Variants in PIP5K1C observed in about 807,000 individuals in gnomAD.
PIP5K1C encodes phosphatidylinositol 4-phosphate 5-kinase type-1 gamma.
Under a neutral mutation model 80.1 loss-of-function variants are expected in PIP5K1C, and 45 were observed. That is an observed-to-expected ratio of 0.56 (90% CI 0.44 to 0.72). The LOEUF (loss-of-function observed/expected upper bound fraction) is 0.72, where lower values mean the gene tolerates loss of function less well. PIP5K1C is among the 30% of genes least tolerant of loss of function. PIP5K1C has a pLI of 0.00. For synonymous variants in PIP5K1C, 498 were observed against 420.1 expected, an observed-to-expected ratio of 1.19 and a Z score of -2.27; for missense variants, 753 against 954.6, an observed-to-expected ratio of 0.79 and a Z score of 2.78.
In PIP5K1C at chr19:3,653,603, A is replaced by G. The variant is rs1210800004; in HGVS notation, c.622-14T>C. 3 of 1,601,934 alleles carry G rather than the reference A, an allele frequency of 1.9e-6. No homozygotes were observed. Among genetic ancestry groups the G allele is most frequent in the Non-Finnish European group, 2.6e-6 (3 of 1,171,888 alleles). On this transcript the variant is annotated splice_polypyrimidine_tract_variant and intron_variant, in intron 6 of 17. Transcript: ENST00000335312. ...CTGGTTGAGGTTCTGCCGGGGGAAG[A>G]GGGCAAGTCGTGGAGGGCGGCTGGG...
chr19:3,666,504 GACGTGCACACAGGCAA>G (rs2035013146), intron 2 of PIP5K1C, among the ~76,000 whole-genome samples: 1 of 152,042 alleles, frequency 6.6e-6, no homozygotes, highest in South Asian at 2.1e-4. Context: ...CACACGTGCA[GACGTGCACACAGGCAA>G]ACGTGTACAT....
chr19:3,647,227 G>A (rs2034266441), intron 10 of PIP5K1C, 111 bp downstream of exon 10: 2 of 931,820 alleles, frequency 2.1e-6, no homozygotes, highest in African/African-American at 1.7e-5. Context: ...GAGGAGGGAT[G>A]GGAGGAGGGT....
chr19:3,637,047 A>G lies in PIP5K1C; in HGVS notation c.1920+1837T>C. The G allele has an allele frequency of 8.8e-7, 1 of 1,142,026 alleles. No individual in the cohort carries two copies. Among genetic ancestry groups the G allele is most frequent in the South Asian group, 2.2e-5 (1 of 45,012 alleles). The allele number at this position is 1,142,026 out of a possible 1,614,324, so 70.7% of individuals were successfully genotyped here. A position where few individuals can be genotyped will look rare whatever the true frequency, so the allele number is the denominator to read the frequency against. On this transcript the variant is annotated intron_variant, in intron 16 of 17. Coordinates refer to ENST00000335312, the MANE Select transcript of PIP5K1C (RefSeq NM_012398.3). The surrounding 1 kb of genome is among the most constrained non-coding windows in gnomAD (Gnocchi z 7.0). Reference sequence around the variant, plus strand: ...GCCTCCATCTGTGAGGTGGGTGTGGAGAGACCATCTCCTCCCCGTCTCCAT... The same window carrying G: ...GCCTCCATCTGTGAGGTGGGTGTGGGGAGACCATCTCCTCCCCGTCTCCAT...
chr19:3,675,042 A>G lies in PIP5K1C; in HGVS notation c.95-7689T>C, dbSNP rs560189181. Reference sequence around the variant, plus strand: ...CCCATTTCTATGAAATGTCCAGGACAGGCTGATCCAGAGAGACAGGGAGGG... The same window carrying G: ...CCCATTTCTATGAAATGTCCAGGACGGGCTGATCCAGAGAGACAGGGAGGG... On this transcript the variant is annotated intron_variant, in intron 1 of 17. Transcript: ENST00000335312. Among the ~76,000 whole-genome samples, 9 of 152,274 alleles carry G rather than the reference A, an allele frequency of 5.9e-5. 1 individual carries two copies. Among genetic ancestry groups the G allele is most frequent in the Admixed American group, 5.9e-4 (9 of 15,290 alleles).
chr19:3,635,402 G>C (rs546659729), intron 16 of PIP5K1C, among the ~76,000 whole-genome samples: 1 of 152,128 alleles, frequency 6.6e-6, no homozygotes, highest in African/African-American at 2.4e-5. Context: ...CAAAGATTAA[G>C]GCCGGGCGTG....
intron 14 of PIP5K1C, among the ~76,000 whole-genome samples, chr19:3,642,328 C>A (rs1440254511): frequency 6.6e-6 from 1 of 152,216 alleles, no homozygotes; most frequent in Non-Finnish European, 1.5e-5. Flanking sequence ...AGGGACCTCG[C>A]AAATGTCCCC....
At position 3,657,919 on chromosome 19, in the gene PIP5K1C, A is replaced by AGC. The variant is rs200516509; in HGVS notation, c.469-1364_469-1363dup. On this transcript the variant is annotated intron_variant, in intron 5 of 17. Coordinates refer to ENST00000335312, the MANE Select transcript of PIP5K1C (RefSeq NM_012398.3). ...CACTGCCCTCCAACCTGGGCAACAG[A>AGC]GCAAGAGTGTTTAAAAAAACACCCC... 6.9e-3 allele frequency among the ~76,000 whole-genome samples: 1,048 copies of AGC among 152,252 alleles called. 19 individuals carry two copies. Among genetic ancestry groups the AGC allele is most frequent in the African/African-American group, 0.025 (1,019 of 41,550 alleles).
chr19:3,638,950 G>T lies in PIP5K1C; in HGVS notation c.1854C>A (p.Asp618Glu). The T allele has an allele frequency of 6.2e-7, 1 of 1,612,366 alleles. No homozygotes were observed. The highest frequency in any genetic ancestry group is 2.2e-5 in the East Asian group (1 of 44,864). ...VEVETASQAS[D>E]EEGAPASQAS... ...CCTGGCTGGCAGGTGCGCCCTCCTC[G>T]TCTGAGGCCTGGCTGGCAGTTTCTA... is the stretch of plus-strand genomic sequence containing the variant. Residue 618 changes from aspartate to glutamate, a missense_variant, in exon 16 of 18, where the codon GAC (aspartate) becomes GAA (glutamate). Asp to Glu is a conservative substitution (Grantham distance 45). This residue lies in a region of PIP5K1C where 315 missense variants were observed against 294.5 expected (regional missense o/e 1.07). Coordinates refer to ENST00000335312, the MANE Select transcript of PIP5K1C (RefSeq NM_012398.3).
chr19:3,692,046 T>A lies in PIP5K1C; in HGVS notation c.94+8251A>T, dbSNP rs891837832. On this transcript the variant is annotated intron_variant, in intron 1 of 17. Coordinates refer to ENST00000335312, the MANE Select transcript of PIP5K1C (RefSeq NM_012398.3). The surrounding 1 kb of genome is among the most constrained non-coding windows in gnomAD (Gnocchi z 5.2). ...CAGTCCAAGCACCGCACGGGAAGGGTGCACAGTGGGAGCTGCCCGCTCACG... is the reference window on the plus strand; with the variant it reads ...CAGTCCAAGCACCGCACGGGAAGGGAGCACAGTGGGAGCTGCCCGCTCACG... 2.0e-5 allele frequency among the ~76,000 whole-genome samples: 3 copies of A among 152,088 alleles called. No homozygotes were observed. Among genetic ancestry groups the A allele is most frequent in the Non-Finnish European group, 4.4e-5 (3 of 67,986 alleles).
In PIP5K1C at chr19:3,648,583, C is replaced by G; in HGVS notation, c.1211+42G>C. The G allele has an allele frequency of 1.3e-6, 2 of 1,559,200 alleles. No individual in the cohort carries two copies. The highest frequency in any genetic ancestry group is 1.8e-6 in the Non-Finnish European group (2 of 1,133,826). ...GGGCGCCCACCTGTGGGACTGCAGACCCGGGGCGTCCACCTGTAGGACTGC... is the reference window on the plus strand; with the variant it reads ...GGGCGCCCACCTGTGGGACTGCAGAGCCGGGGCGTCCACCTGTAGGACTGC... On this transcript the variant is annotated intron_variant, in intron 9 of 17. Transcript: ENST00000335312. This position sits in a 1 kb window ranked among gnomAD's most constrained non-coding sequence, Gnocchi z 4.3.
rs189378257 is a variant in PIP5K1C at position 3,677,710 on chromosome 19, G to C, written c.95-10357C>G. Reference sequence around the variant, plus strand: ...AAGCTGAGAGGGATGGCGGAATGGAGGGATGGTGGGATGGAGGGATGGAAG... The same window carrying C: ...AAGCTGAGAGGGATGGCGGAATGGACGGATGGTGGGATGGAGGGATGGAAG... On this transcript the variant is annotated intron_variant, in intron 1 of 17. Transcript: ENST00000335312. Among the ~76,000 whole-genome samples the C allele has an allele frequency of 1.4e-3, 198 of 137,936 alleles. 2 individuals are homozygous for C. The highest frequency in any genetic ancestry group is 5.3e-3 in the African/African-American group (183 of 34,724). The allele number at this position is 137,936 out of a possible 152,430, so 90.5% of individuals were successfully genotyped here. A position where few individuals can be genotyped will look rare whatever the true frequency, so the allele number is the denominator to read the frequency against.
intron 14 of PIP5K1C, 57 bp from the exon 15 acceptor site, chr19:3,641,866 C>A (rs2033976941): frequency 1.5e-6 from 2 of 1,361,552 alleles, no homozygotes; most frequent in Non-Finnish European, 1.0e-6. Context: ...CCATCCTACC[C>A]CCAGGAGTGC....
At chr19:3,652,140 G>A in intron 7 of PIP5K1C, 109 bp from the exon 8 acceptor site, 2 of 959,776 alleles carry the variant, frequency 2.1e-6, no homozygotes, top group South Asian at 1.4e-5. Flanking sequence ...GGGCTCGGGT[G>A]TGAGAGATGG....
chr19:3,695,578 G>A (rs1381221459), intron 1 of PIP5K1C, among the ~76,000 whole-genome samples: 2 of 152,208 alleles, frequency 1.3e-5, no homozygotes, highest in African/African-American at 4.8e-5. Context: ...TCTCCACTGG[G>A]ACACCCAGGC....
At chr19:3,683,213 T>C (rs1175576602) in intron 1 of PIP5K1C, among the ~76,000 whole-genome samples, 1 of 152,194 alleles carries the variant, frequency 6.6e-6, no homozygotes, top group African/African-American at 2.4e-5. Context: ...GGGCAGCGAC[T>C]TCATCTTTCC....
chr19:3,690,216 G>A (rs978698006), intron 1 of PIP5K1C, among the ~76,000 whole-genome samples: 1 of 151,982 alleles, frequency 6.6e-6, no homozygotes, highest in African/African-American at 2.4e-5. Flanking sequence ...CCAGAAATAG[G>A]CTGGGCGCAC....
At chr19:3,697,024 C>T (rs553153726) in intron 1 of PIP5K1C, among the ~76,000 whole-genome samples, 1 of 151,526 alleles carries the variant, frequency 6.6e-6, no homozygotes, top group African/African-American at 2.4e-5. Context: ...CCGAGGAGGA[C>T]CGAGCTGGAC....
rs1370425377 is a variant in PIP5K1C at position 3,632,830 on chromosome 19, CT to C, written c.*336del. ...CCAAAGAGTGCAGTGGGCAGGGGCT[CT>C]TCTCCCTCTGGTTGGTTTGTTTGTG... On this transcript the variant is annotated 3_prime_UTR_variant, in exon 18 of 18. Coordinates refer to ENST00000335312, the MANE Select transcript of PIP5K1C (RefSeq NM_012398.3). 5.7e-6 allele frequency: 2 copies of C among 350,160 alleles called. No individual in the cohort carries two copies. The highest frequency in any genetic ancestry group is 1.0e-5 in the Non-Finnish European group (2 of 193,682). The allele number at this position is 350,160 out of a possible 1,614,324, so 21.7% of individuals were successfully genotyped here.
At chr19:3,654,627 C>G (rs1293274293) in intron 6 of PIP5K1C, among the ~76,000 whole-genome samples, 2 of 151,710 alleles carry the variant, frequency 1.3e-5, no homozygotes, top group Non-Finnish European at 2.9e-5. Context: ...ACCAGCCTGG[C>G]CAACATGGTG....
Sources: allele counts gnomAD v4.1 joint callset (sites outside exome capture counted in the v4.1 genomes callset), GRCh38; gene constraint gnomAD v4.1.1; regional missense constraint gnomAD v4.1.1; non-coding constraint Gnocchi (gnomAD v3.1); transcripts MANE v1.5; gene names NCBI Gene and HGNC (gene_info 2026-07-23, HGNC 2026-07-21).